The following ENOX2 variants were observed in gnomAD, a reference collection of about 807,000 sequenced individuals.
ENOX2 encodes APK1 antigen.
A neutral mutation model predicts 45.0 loss-of-function variants in ENOX2; 36 were observed. The observed-to-expected ratio is 0.80, with a 90% CI of 0.61 to 1.06. ENOX2 has a LOEUF of 1.06. Ranked by LOEUF, ENOX2 falls within the 50% of genes least tolerant of loss-of-function variation. The pLI, the probability that ENOX2 is intolerant of heterozygous loss-of-function variation, is 0.00. For synonymous variants in ENOX2, 174 were observed against 152.3 expected (o/e 1.14, Z -1.05); for missense variants, 423 against 462.5 (o/e 0.91, Z 0.78).
At chrX:130,633,558 G>C (rs1390701241) in intron 12 of ENOX2, among the ~76,000 whole-genome samples, 2 of 112,699 alleles carry the variant, frequency 1.8e-5, no homozygotes, top group Admixed American at 9.3e-5. Flanking sequence ...GTTTCCAAAT[G>C]GGAAACACTT....
intron 3 of ENOX2, among the ~76,000 whole-genome samples, chrX:130,743,731 C>T (rs899202479): frequency 9.3e-4 from 103 of 110,758 alleles, no homozygotes; most frequent in Non-Finnish European, 1.3e-3. Flanking sequence ...CTGCCTGCCT[C>T]GGCCTCCCAA....
intron 3 of ENOX2, among the ~76,000 whole-genome samples, chrX:130,764,088 T>C (rs987337231): frequency 9.0e-5 from 10 of 111,015 alleles, no homozygotes; most frequent in Admixed American, 2.9e-4. Flanking sequence ...GTATGAGATA[T>C]GAGGCAAAAA....
At chrX:130,797,382 C>T (rs2077148630) in intron 2 of ENOX2, among the ~76,000 whole-genome samples, 1 of 111,830 alleles carries the variant, frequency 8.9e-6, no homozygotes. Context: ...GTCTCAATGC[C>T]AAGGTATTAC....
chrX:130,847,066 A>G (rs2078120525), intron 2 of ENOX2, among the ~76,000 whole-genome samples: 1 of 112,289 alleles, frequency 8.9e-6, no homozygotes, highest in African/African-American at 3.2e-5. Flanking sequence ...GTTGAATTGT[A>G]TTATTTATAT....
intron 9 of ENOX2, among the ~76,000 whole-genome samples, chrX:130,657,826 T>C (rs1345187979): frequency 8.9e-6 from 1 of 112,217 alleles, no homozygotes; most frequent in South Asian, 3.7e-4. Flanking sequence ...TAGGAAGATA[T>C]GGCCCATTTC....
intron 3 of ENOX2, among the ~76,000 whole-genome samples, chrX:130,723,663 G>A (rs1472114077): frequency 1.9e-4 from 21 of 111,629 alleles, no homozygotes. Flanking sequence ...CTTCATTGCA[G>A]AATCAGTACT....
At chrX:130,771,484 T>C (rs953409677) in intron 3 of ENOX2, among the ~76,000 whole-genome samples, 5 of 111,325 alleles carry the variant, frequency 4.5e-5, no homozygotes, top group African/African-American at 1.6e-4. Context: ...TAATATAGTT[T>C]TTTTCGTTTC....
intron 5 of ENOX2, among the ~76,000 whole-genome samples, chrX:130,682,040 G>A (rs974046875): frequency 9.4e-6 from 1 of 106,828 alleles, no homozygotes; most frequent in African/African-American, 3.4e-5. Flanking sequence ...GACTATATAA[G>A]GTAAAGAATT....
intron 5 of ENOX2, among the ~76,000 whole-genome samples, chrX:130,685,181 G>C (rs1399294837): frequency 9.0e-6 from 1 of 111,376 alleles, no homozygotes; most frequent in Non-Finnish European, 1.9e-5. Flanking sequence ...TGGGAGAGTG[G>C]CTGGTGTGTT....
rs202234520 is a variant in ENOX2 at position 130,889,018 on chromosome X, TTAAC to T, written c.-183+12662_-183+12665del. Among the ~76,000 whole-genome samples the T allele has an allele frequency of 9.4e-4, 105 of 111,583 alleles. 3 individuals carry two copies. In the East Asian group the frequency reaches 0.022, roughly 23 times the overall value. On this transcript the variant is annotated intron_variant, in intron 2 of 14. Transcript: ENST00000394363. ...TGTGTTGGGGGAGGATTCAAGGTGATTAACTAAATCTAAATCCACAAGGTAAAAA... is the reference window on the plus strand; with the variant it reads ...TGTGTTGGGGGAGGATTCAAGGTGATTAAATCTAAATCCACAAGGTAAAAA...
chrX:130,748,250 T>C (rs2039139280), intron 3 of ENOX2, among the ~76,000 whole-genome samples: 2 of 112,178 alleles, frequency 1.8e-5, no homozygotes, highest in Non-Finnish European at 3.8e-5. Context: ...GTGGGAAGTA[T>C]ATTACTCCTT....
chrX:130,824,752 C>G (rs2148474677), intron 2 of ENOX2, among the ~76,000 whole-genome samples: 1 of 111,332 alleles, frequency 9.0e-6, no homozygotes, highest in African/African-American at 3.3e-5. Context: ...AAAGGAAACC[C>G]ACATGGCCAA....
chrX:130,899,857 A>T (rs2079116728), intron 2 of ENOX2, among the ~76,000 whole-genome samples: 1 of 112,472 alleles, frequency 8.9e-6, no homozygotes, highest in East Asian at 2.8e-4. Flanking sequence ...CTCACCATAC[A>T]ATATAAAGGA....
At chrX:130,707,162 C>T (rs2038058604) in intron 3 of ENOX2, among the ~76,000 whole-genome samples, 1 of 111,924 alleles carries the variant, frequency 8.9e-6, no homozygotes, top group East Asian at 2.8e-4. Flanking sequence ...ATTCAGAAGG[C>T]GAATGCTACT....
At chrX:130,772,815 C>T in intron 3 of ENOX2, among the ~76,000 whole-genome samples, 1 of 112,167 alleles carries the variant, frequency 8.9e-6, no homozygotes, top group Non-Finnish European at 1.9e-5. Context: ...TTTAGCTGCA[C>T]CCTAATTTCA....
At chrX:130,872,299 A>G (rs894000081) in intron 2 of ENOX2, among the ~76,000 whole-genome samples, 6 of 112,617 alleles carry the variant, frequency 5.3e-5, no homozygotes, top group African/African-American at 1.9e-4. Context: ...CATGGATGAA[A>G]CAGTAGTCAT....
intron 3 of ENOX2, among the ~76,000 whole-genome samples, chrX:130,705,372 G>A (rs766855963): frequency 2.9e-4 from 32 of 111,790 alleles, no homozygotes; most frequent in Non-Finnish European, 5.3e-4. Context: ...AATTAGGGGC[G>A]GGATAAGTGT....
intron 7 of ENOX2, among the ~76,000 whole-genome samples, chrX:130,668,224 T>C (rs1308210326): frequency 9.0e-6 from 1 of 110,931 alleles, no homozygotes; most frequent in Non-Finnish European, 1.9e-5. Context: ...TGAGTTTAAC[T>C]TGAATTTAAC....
chrX:130,639,595 G>C (rs1266612683), intron 10 of ENOX2, among the ~76,000 whole-genome samples: 1 of 111,648 alleles, frequency 9.0e-6, no homozygotes, highest in Non-Finnish European at 1.9e-5. Flanking sequence ...GCAAACACCA[G>C]AACCAGACTC....
Sources: gnomAD v4.1 joint callset for allele counts (sites outside exome capture counted in the v4.1 genomes callset) on GRCh38, gnomAD v4.1.1 for gene constraint, MANE v1.5 for transcripts, NCBI Gene and HGNC (gene_info 2026-07-23, HGNC 2026-07-21) for gene names.